FGF7: variants seen among roughly 807,000 people sequenced by gnomAD.
The protein encoded by FGF7 is FGF-7.
A neutral mutation model predicts 20.5 loss-of-function variants in FGF7; 6 were observed. The ratio of observed to expected loss-of-function variants is 0.29; its 90% CI spans 0.16 to 0.58. The LOEUF is 0.58. FGF7 is among the 20% of genes least tolerant of loss of function. The pLI is 0.90. For synonymous variants in FGF7, 64 were observed against 74.7 expected (o/e 0.86, Z 0.74); for missense variants, 144 against 228.8 (o/e 0.63, Z 2.39).
chr15:49,463,107 G>C (rs1189746667), intron 2 of FGF7, among the ~76,000 whole-genome samples: 1 of 152,170 alleles, frequency 6.6e-6, no homozygotes, highest in Non-Finnish European at 1.5e-5. Flanking sequence ...CAATCCTGAC[G>C]ATTCTTGCCC....
chr15:49,450,552 T>C (rs988975187), intron 2 of FGF7, among the ~76,000 whole-genome samples: 5 of 152,172 alleles, frequency 3.3e-5, no homozygotes, highest in East Asian at 3.9e-4. Flanking sequence ...ATTTACTCTT[T>C]AGTTATGTGC....
chr15:49,459,219 C>A (rs1001312157), intron 2 of FGF7, among the ~76,000 whole-genome samples: 1 of 152,072 alleles, frequency 6.6e-6, no homozygotes, highest in African/African-American at 2.4e-5. Context: ...GCTGTCCTGG[C>A]CAGAGGAGGA....
intron 2 of FGF7, among the ~76,000 whole-genome samples, chr15:49,466,203 A>G (rs2054251880): frequency 6.6e-6 from 1 of 152,238 alleles, no homozygotes; most frequent in African/African-American, 2.4e-5. Flanking sequence ...TTCACCTCAG[A>G]CCTGTTGGAT....
chr15:49,479,225 TTC>T (rs2055652764), intron 2 of FGF7, among the ~76,000 whole-genome samples: 1 of 149,674 alleles, frequency 6.7e-6, no homozygotes, highest in Non-Finnish European at 1.5e-5. Flanking sequence ...GTTTTTCATG[TTC>T]TATTGCATGA....
intron 2 of FGF7, among the ~76,000 whole-genome samples, chr15:49,477,070 A>AAG (rs2055405930): frequency 6.6e-6 from 1 of 151,962 alleles, no homozygotes; most frequent in African/African-American, 2.4e-5. Context: ...GAAAAAAAAA[A>AAG]AAAAATTGAG....
chr15:49,473,404 T>A (rs2054962029), intron 2 of FGF7, among the ~76,000 whole-genome samples: 1 of 152,130 alleles, frequency 6.6e-6, no homozygotes, highest in South Asian at 2.1e-4. Context: ...AACTCCAAAA[T>A]TCGCTTTTAT....
At chr15:49,480,137 A>G (rs1316036612) in intron 2 of FGF7, among the ~76,000 whole-genome samples, 2 of 152,180 alleles carry the variant, frequency 1.3e-5, no homozygotes, top group African/African-American at 2.4e-5. Flanking sequence ...TGTCTTTTAG[A>G]TATGTTGATT....
chr15:49,483,101 T>C (rs2056098146), intron 2 of FGF7, 50 bp from the exon 3 acceptor site: 1 of 1,031,100 alleles, frequency 9.7e-7, no homozygotes, highest in Non-Finnish European at 1.5e-6. Context: ...TCGTGGATCA[T>C]TTGCAAAACT....
At position 49,476,522 on chromosome 15, in the gene FGF7, A is replaced by C. The variant is rs182626756; in HGVS notation, c.287-6629A>C. 1.8e-4 allele frequency among the ~76,000 whole-genome samples: 28 copies of C among 152,032 alleles called. No individual in the cohort carries two copies. In the East Asian group the frequency reaches 5.2e-3, roughly 28 times the overall value. On this transcript the variant is annotated intron_variant, in intron 2 of 3. Coordinates refer to ENST00000267843, the MANE Select transcript of FGF7 (RefSeq NM_002009.4). ...TTTTATTATGACCTTACTCCTCTTT[A>C]CTGTCCATATTTCACAAAAAGAAGT...
At chr15:49,459,321 A>G (rs1256921378) in intron 2 of FGF7, among the ~76,000 whole-genome samples, 1 of 152,224 alleles carries the variant, frequency 6.6e-6, no homozygotes, top group African/African-American at 2.4e-5. Flanking sequence ...GCAGCACACC[A>G]TGTGATGCCT....
chr15:49,483,307 A>G, intron 3 of FGF7, 53 bp downstream of exon 3: 2 of 871,136 alleles, frequency 2.3e-6, no homozygotes, highest in East Asian at 2.4e-5. Context: ...TTTTGTCAAA[A>G]TATCTCACCT....
intron 3 of FGF7, among the ~76,000 whole-genome samples, chr15:49,483,634 T>A (rs964082352): frequency 6.6e-6 from 1 of 152,020 alleles, no homozygotes; most frequent in African/African-American, 2.4e-5. Flanking sequence ...TGGGAAAAAA[T>A]CTTGAAATGT....
At position 49,424,188 on chromosome 15, in the gene FGF7, A is replaced by G. The variant is rs2049927846; in HGVS notation, c.-110A>G. 1 of 1,003,058 alleles carries G rather than the reference A, an allele frequency of 1.0e-6. No homozygotes were observed. The highest frequency in any genetic ancestry group is 1.6e-5 in the African/African-American group (1 of 62,326). 62.1% of individuals were successfully genotyped at this position (1,003,058 alleles called of 1,614,324 possible). A position where few individuals can be genotyped will look rare whatever the true frequency, so the allele number is the denominator to read the frequency against. On this transcript the variant is annotated 5_prime_UTR_variant, in exon 2 of 4. Transcript: ENST00000267843. Reference sequence around the variant, plus strand: ...TGGAAAGAGCAACTACTCTTTCTTAAATCAATCTACAATTCACAGATAGGA... The same window carrying G: ...TGGAAAGAGCAACTACTCTTTCTTAGATCAATCTACAATTCACAGATAGGA...
chr15:49,480,855 A>G (rs2055881509), intron 2 of FGF7, among the ~76,000 whole-genome samples: 1 of 152,148 alleles, frequency 6.6e-6, no homozygotes, highest in Non-Finnish European at 1.5e-5. Context: ...ATGTTTTGGG[A>G]GAGGGGCAAT....
intron 2 of FGF7, among the ~76,000 whole-genome samples, chr15:49,465,161 G>C (rs778047603): frequency 6.6e-6 from 1 of 151,874 alleles, no homozygotes; most frequent in Non-Finnish European, 1.5e-5. Context: ...ATGGAGTCTC[G>C]CACTGTTGCT....
At chr15:49,466,112 C>G (rs905422208) in intron 2 of FGF7, among the ~76,000 whole-genome samples, 1 of 152,154 alleles carries the variant, frequency 6.6e-6, no homozygotes, top group Non-Finnish European at 1.5e-5. Context: ...GATTAGGAAA[C>G]TACTAATCAC....
At chr15:49,469,868 G>A (rs1275288098) in intron 2 of FGF7, among the ~76,000 whole-genome samples, 1 of 151,994 alleles carries the variant, frequency 6.6e-6, no homozygotes, top group East Asian at 1.9e-4. Context: ...ATAATGATAA[G>A]CAAACTCAAA....
rs920051390 is a variant in FGF7 at position 49,483,289 on chromosome 15, A to C, written c.390+35A>C. The stretch of plus-strand genomic sequence containing the variant: ...ATTGATAGCTTAGGCTTAATTTTTA[A>C]AACTCATTTTTGTCAAAATATCTCA... On this transcript the variant is annotated intron_variant, in intron 3 of 3. Coordinates refer to ENST00000267843, the MANE Select transcript of FGF7 (RefSeq NM_002009.4). The C allele has an allele frequency of 9.9e-6, 11 of 1,108,644 alleles. No homozygotes were observed. In the African/African-American group the frequency reaches 1.1e-4, roughly 11 times the overall value. The allele number at this position is 1,108,644 out of a possible 1,614,324, so 68.7% of individuals were successfully genotyped here. A position where few individuals can be genotyped will look rare whatever the true frequency, so the allele number is the denominator to read the frequency against.
intron 2 of FGF7, among the ~76,000 whole-genome samples, chr15:49,467,625 C>T (rs2054380490): frequency 1.3e-5 from 2 of 152,044 alleles, no homozygotes; most frequent in African/African-American, 4.8e-5. Flanking sequence ...AATATCCACA[C>T]CTATTCTGAT....
Sources: allele counts gnomAD v4.1 joint callset (sites outside exome capture counted in the v4.1 genomes callset), GRCh38; gene constraint gnomAD v4.1.1; transcripts MANE v1.5; gene names NCBI Gene and HGNC (gene_info 2026-07-23, HGNC 2026-07-21).